Variants in DOP1A observed in about 807,000 individuals in gnomAD.
DOP1A encodes the protein protein DOP1A.
Under a neutral mutation model 267.6 loss-of-function variants are expected in DOP1A, and 90 were observed. That is an observed-to-expected ratio of 0.34 (90% CI 0.28 to 0.40). DOP1A has a LOEUF of 0.40. DOP1A is among the 10% of genes least tolerant of loss of function. The pLI is 1.00. For missense variants in DOP1A, 2,437 were observed against 2,900.4 expected, an observed-to-expected ratio of 0.84 and a Z score of 3.67; for synonymous variants, 932 against 999.1, an observed-to-expected ratio of 0.93 and a Z score of 1.27.
At position 83,099,713 on chromosome 6, in the gene DOP1A, TAC is replaced by T. The variant is rs1164000579; in HGVS notation, c.139-990_139-989del. Among the ~76,000 whole-genome samples the T allele has an allele frequency of 2.5e-4, 12 of 48,754 alleles. No homozygotes were observed. In the South Asian group the frequency reaches 9.4e-3, roughly 38 times the overall value. The allele number at this position is 48,754 out of a possible 152,430, so 32.0% of individuals were successfully genotyped here. A position where few individuals can be genotyped will look rare whatever the true frequency, so the allele number is the denominator to read the frequency against. On this transcript the variant is annotated intron_variant, in intron 3 of 38. Transcript: ENST00000349129. ...GTGTGTGTGTGTGTGTGTGTGTATATACATATATATATATATATACACACGTA... is the reference window on the plus strand; with the variant it reads ...GTGTGTGTGTGTGTGTGTGTGTATATATATATATATATATATACACACGTA...
At chr6:83,163,990 T>C (rs1436171492) in intron 38 of DOP1A, among the ~76,000 whole-genome samples, 3 of 151,684 alleles carry the variant, frequency 2.0e-5, no homozygotes. Context: ...ACTGGTATGC[T>C]CACCATTGGG....
Position 83,138,878 on chromosome 6 carries a change from T to C in DOP1A, c.4836T>C (p.Ser1612=). ...ENETGFDFVV[S]DLEHISPHQP... is the part of the protein sequence containing the mutation. ...AAACAGGTTTTGATTTTGTTGTATC[T>C]GACTTAGAACACATCAGTCCCCATC... Residue 1612 remains serine (S), a synonymous_variant, in exon 21 of 39, where the codon TCT becomes TCC. Transcript: ENST00000349129. 1 of 1,614,056 alleles carries C rather than the reference T, an allele frequency of 6.2e-7. No homozygotes were observed. The highest frequency in any genetic ancestry group is 8.5e-7 in the Non-Finnish European group (1 of 1,179,956).
chr6:83,166,036 C>T lies in DOP1A; in HGVS notation c.7093-1826C>T, dbSNP rs139281046. 282 of 274,748 alleles carry T rather than the reference C, an allele frequency of 1.0e-3. 3 individuals are homozygous for T. In the East Asian group the frequency reaches 0.019, roughly 18 times the overall value. 17.0% of individuals were successfully genotyped at this position (274,748 alleles called of 1,614,324 possible). A position where few individuals can be genotyped will look rare whatever the true frequency, so the allele number is the denominator to read the frequency against. ...TCAGTCCAGCCACTGAGCTGGTCAT[C>T]GCCAGTTGTCGTATAAAATCCACCT... is the stretch of plus-strand genomic sequence containing the variant. On this transcript the variant is annotated intron_variant, in intron 38 of 38. Coordinates refer to ENST00000349129, the MANE Select transcript of DOP1A (RefSeq NM_015018.4).
intron 35 of DOP1A, among the ~76,000 whole-genome samples, 154 bp downstream of exon 35, chr6:83,157,472 A>G (rs1036656987): frequency 1.4e-4 from 21 of 152,224 alleles, no homozygotes; most frequent in Admixed American, 2.6e-4. Flanking sequence ...ATAGTAAAAC[A>G]AGTCAGATTC....
At position 83,151,916 on chromosome 6, in the gene DOP1A, G is replaced by A; in HGVS notation, c.5938G>A (p.Ala1980Thr). The A allele has an allele frequency of 1.9e-6, 3 of 1,613,506 alleles. No homozygotes were observed. The highest frequency in any genetic ancestry group is 2.2e-5 in the South Asian group (2 of 91,050). ...TCACAAAATAGTGGATGCAATTGGT[G>A]CAATTGCTGGTTCTTCTCTGGAACA... ...VTHKIVDAIG[A>T]IAGSSLEQTT... Residue 1980 changes from alanine (A) to threonine (T), a missense_variant, in exon 29 of 39, where the codon GCA (alanine) becomes ACA (threonine). Ala to Thr is a moderately conservative substitution (Grantham distance 58). Around this residue, in one of 9 missense-constraint regions of DOP1A, gnomAD observed 216 missense variants for 283.3 expected, o/e 0.76. Coordinates refer to ENST00000349129, the MANE Select transcript of DOP1A (RefSeq NM_015018.4).
chr6:83,119,839 A>G lies in DOP1A; in HGVS notation c.972A>G (p.Ser324=). Residue 324 remains serine (S), a synonymous_variant, in exon 9 of 39, where the codon TCA becomes TCG. Coordinates refer to ENST00000349129, the MANE Select transcript of DOP1A (RefSeq NM_015018.4). ...EHATYYFTTF[S]KELLVQAMVG... ...CCACTTACTATTTCACTACCTTTTC[A>G]AAAGAATTATTAGTCCAGGTAATGA... 2 of 1,612,100 alleles carry G rather than the reference A, an allele frequency of 1.2e-6. No individual in the cohort carries two copies. Among genetic ancestry groups the G allele is most frequent in the Non-Finnish European group, 1.7e-6 (2 of 1,178,460 alleles).
intron 33 of DOP1A, 108 bp from the exon 34 acceptor site, chr6:83,155,843 A>G (rs548347442): frequency 5.2e-5 from 70 of 1,337,998 alleles, no homozygotes; most frequent in Middle Eastern, 2.2e-4. Flanking sequence ...TTGTACCCCA[A>G]GCTCCTCTCA....
chr6:83,170,761 A>G (rs1265099308), downstream of DOP1A: 2 of 259,664 alleles, frequency 7.7e-6, no homozygotes, highest in East Asian at 1.5e-4. Flanking sequence ...TATCACACAC[A>G]AAAACAGGAT....
intron 24 of DOP1A, 34 bp from the exon 25 acceptor site, chr6:83,145,486 TATAC>T (rs764929765): frequency 1.0e-5 from 15 of 1,505,662 alleles, no homozygotes; most frequent in South Asian, 1.3e-5. Context: ...AAAAGACTTA[TATAC>T]ATACATACAT....
chr6:83,120,723 A>G lies in DOP1A; in HGVS notation c.1031A>G (p.Glu344Gly), dbSNP rs1475709700. 10 of 1,586,744 alleles carry G rather than the reference A, an allele frequency of 6.3e-6. No homozygotes were observed. Among genetic ancestry groups the G allele is most frequent in the Non-Finnish European group, 6.9e-6 (8 of 1,160,738 alleles). Residue 344 changes from glutamate (E) to glycine (G), a missense_variant, in exon 10 of 39, where the codon GAG (glutamate) becomes GGG (glycine). Glu to Gly is a moderately conservative substitution (Grantham distance 98). This residue lies in a region of DOP1A where 498 missense variants were observed against 513.5 expected (regional missense o/e 0.97). Coordinates refer to ENST00000349129, the MANE Select transcript of DOP1A (RefSeq NM_015018.4). ...GILQVNGFGE[E>G]NTLMQDLKPF... is the part of the protein sequence containing the mutation. The stretch of plus-strand genomic sequence containing the variant: ...TTACAAGTGAATGGATTTGGAGAAG[A>G]GAACACTCTAATGCAGGATCTAAAG...
chr6:83,156,400 A>G (rs1162197753), intron 34 of DOP1A, among the ~76,000 whole-genome samples: 1 of 152,202 alleles, frequency 6.6e-6, no homozygotes, highest in Non-Finnish European at 1.5e-5. Flanking sequence ...TCATGTTAGC[A>G]TGTTCTCCTT....
chr6:83,129,355 A>G lies in DOP1A; in HGVS notation c.2188A>G (p.Lys730Glu). 6.2e-7 allele frequency: 1 copy of G among 1,607,306 alleles called. No individual in the cohort carries two copies. Among genetic ancestry groups the G allele is most frequent in the Non-Finnish European group, 8.5e-7 (1 of 1,178,156 alleles). ...KWDRNSQGDV[K>E]EKNISKQKTS... ...GGACAGAAATTCACAAGGAGATGTA[A>G]AAGAGAAAAACATAAGTAAACAAAA... is the stretch of plus-strand genomic sequence containing the variant. Residue 730 changes from lysine to glutamate, a missense_variant, in exon 16 of 39, where the codon AAA (lysine) becomes GAA (glutamate). Transcript: ENST00000349129.
At chr6:83,133,826 T>C (rs1778456452) in intron 18 of DOP1A, among the ~76,000 whole-genome samples, 1 of 152,048 alleles carries the variant, frequency 6.6e-6, no homozygotes, top group South Asian at 2.1e-4. Context: ...GATAACTAAA[T>C]GTTTATATTA....
In DOP1A at chr6:83,130,103, G is replaced by T. The variant is rs1309334809; in HGVS notation, c.2342-20G>T. ...ATGTTTAGTATAATGAACTCTGATT[G>T]CTACCATCTTTTGTTTCAGACTGTG... On this transcript the variant is annotated intron_variant, in intron 16 of 38. Transcript: ENST00000349129. 1 of 1,608,568 alleles carries T rather than the reference G, an allele frequency of 6.2e-7. No homozygotes were observed. Among genetic ancestry groups the T allele is most frequent in the Admixed American group, 1.7e-5 (1 of 59,614 alleles).
chr6:83,105,649 C>A (rs1306302820), intron 4 of DOP1A, among the ~76,000 whole-genome samples: 1 of 152,062 alleles, frequency 6.6e-6, no homozygotes, highest in Non-Finnish European at 1.5e-5. Context: ...AGGCGTGAGC[C>A]ACTGCGCCCA....
At chr6:83,132,908 T>C (rs1433185921) in intron 18 of DOP1A, among the ~76,000 whole-genome samples, 1 of 152,176 alleles carries the variant, frequency 6.6e-6, no homozygotes, top group African/African-American at 2.4e-5. Flanking sequence ...CAGGGTTATT[T>C]AATGACATTT....
chr6:83,110,722 T>G (rs549690073), intron 6 of DOP1A, among the ~76,000 whole-genome samples: 10 of 152,324 alleles, frequency 6.6e-5, no homozygotes, highest in Admixed American at 6.5e-4. Context: ...TAGGGTGCTA[T>G]ACTCTTAATA....
At chr6:83,069,482 A>G (rs887327362) in intron 1 of DOP1A, among the ~76,000 whole-genome samples, 4 of 152,180 alleles carry the variant, frequency 2.6e-5, no homozygotes, top group Non-Finnish European at 5.9e-5. Flanking sequence ...AATTACATAG[A>G]ATATAAATTT....
rs746398436 is a variant in DOP1A, at chr6:83,118,977, A to G, written c.870A>G (p.Ala290=). The change falls in exon 8 of 39, where the codon GCA becomes GCG. Residue 290 remains alanine, a synonymous_variant. Coordinates refer to ENST00000349129, the MANE Select transcript of DOP1A (RefSeq NM_015018.4). The part of the protein sequence containing the change: ...RDMSLNRRLY[A]WLLGFDNNGA... Reference sequence around the variant, plus strand: ...TGTCTCTGAATCGAAGACTTTATGCATGGCTTCTTGGTAGGTATTTGATGT... The same window carrying G: ...TGTCTCTGAATCGAAGACTTTATGCGTGGCTTCTTGGTAGGTATTTGATGT... 7.4e-6 allele frequency: 12 copies of G among 1,613,448 alleles called. No homozygotes were observed. The highest frequency in any genetic ancestry group is 3.3e-4 in the Middle Eastern group (2 of 6,056).
Sources: gnomAD v4.1 joint callset for allele counts (sites outside exome capture counted in the v4.1 genomes callset) on GRCh38, gnomAD v4.1.1 for gene constraint, gnomAD v4.1.1 regional missense constraint, MANE v1.5 for transcripts, NCBI Gene and HGNC (gene_info 2026-07-23, HGNC 2026-07-21) for gene names.